The following CDK14 variants were observed in gnomAD, a reference collection of about 807,000 sequenced individuals.
CDK14 encodes cyclin-dependent kinase 14.
CDK14 carries 34 observed loss-of-function variants against 60.7 expected under a neutral mutation model. The observed-to-expected ratio is 0.56, with a 90% CI of 0.43 to 0.75. The LOEUF is 0.75. CDK14 is among the 30% of genes least tolerant of loss of function. CDK14 has a pLI of 0.00. For synonymous variants in CDK14, 197 were observed against 203.7 expected, an observed-to-expected ratio of 0.97 and a Z score of 0.28; for missense variants, 482 against 564.1, an observed-to-expected ratio of 0.85 and a Z score of 1.47.
chr7:90,710,696 G>C, intron 2 of CDK14: 1 of 275,738 alleles, frequency 3.6e-6, no homozygotes, highest in Non-Finnish European at 5.5e-6. Context: ...GATGCTAATG[G>C]AGAACCCCTG....
intron 10 of CDK14, among the ~76,000 whole-genome samples, chr7:90,990,394 A>G (rs1795497728): frequency 6.6e-6 from 1 of 152,170 alleles, no homozygotes; most frequent in Non-Finnish European, 1.5e-5. Flanking sequence ...ATTAAGCTAC[A>G]ATTTTTAAAT....
At chr7:90,752,114 A>G (rs1803869900) in intron 4 of CDK14, among the ~76,000 whole-genome samples, 1 of 152,202 alleles carries the variant, frequency 6.6e-6, no homozygotes, top group South Asian at 2.1e-4. Context: ...TAGACAGATC[A>G]TCAAGGCAGA....
intron 8 of CDK14, among the ~76,000 whole-genome samples, chr7:90,933,972 C>T (rs77961192): frequency 6.6e-6 from 1 of 152,204 alleles, no homozygotes; most frequent in African/African-American, 2.4e-5. Flanking sequence ...TCCAAAATGG[C>T]TCTGAAGCAG....
intron 14 of CDK14, among the ~76,000 whole-genome samples, chr7:91,158,432 G>C (rs760483196): frequency 6.6e-6 from 1 of 151,886 alleles, no homozygotes; most frequent in South Asian, 2.1e-4. Context: ...TCTCAAGCTA[G>C]TCTCAAACTC....
intron 10 of CDK14, among the ~76,000 whole-genome samples, chr7:91,004,061 AAG>A (rs1383012542): frequency 1.3e-5 from 2 of 152,224 alleles, no homozygotes; most frequent in African/African-American, 2.4e-5. Context: ...GAAAACAAGA[AAG>A]ATTTAAAATG....
chr7:90,617,143 C>T (rs1014977489), intron 2 of CDK14, among the ~76,000 whole-genome samples: 6 of 151,772 alleles, frequency 4.0e-5, no homozygotes, highest in South Asian at 2.1e-4. Flanking sequence ...AGTATGATCT[C>T]GGTTTTGTAA....
At chr7:90,933,194 T>C (rs1190140947) in intron 8 of CDK14, among the ~76,000 whole-genome samples, 1 of 151,024 alleles carries the variant, frequency 6.6e-6, no homozygotes, top group African/African-American at 2.4e-5. Context: ...TAGCCAGGAT[T>C]GCCTGAGCCC....
At chr7:90,656,396 T>TC (rs1377646365) in intron 2 of CDK14, among the ~76,000 whole-genome samples, 2 of 151,510 alleles carry the variant, frequency 1.3e-5, no homozygotes, top group African/African-American at 4.9e-5. Context: ...TTTTTTTTTT[T>TC]TGAGACAGAA....
intron 14 of CDK14, among the ~76,000 whole-genome samples, chr7:91,136,630 A>G (rs191131085): frequency 1.2e-4 from 19 of 152,308 alleles, no homozygotes; most frequent in African/African-American, 4.3e-4. Flanking sequence ...GATATACAAT[A>G]AAACTTGACA....
intron 4 of CDK14, among the ~76,000 whole-genome samples, chr7:90,749,281 G>C (rs1404257361): frequency 6.6e-6 from 1 of 151,446 alleles, no homozygotes; most frequent in Non-Finnish European, 1.5e-5. Context: ...AGAGATCCTG[G>C]TATAGCAGAG....
At chr7:91,091,445 A>G (rs1039174912) in intron 12 of CDK14, among the ~76,000 whole-genome samples, 4 of 141,500 alleles carry the variant, frequency 2.8e-5, no homozygotes, top group African/African-American at 1.1e-4. Context: ...ATATACACAT[A>G]TGTATATAAT....
intron 2 of CDK14, among the ~76,000 whole-genome samples, chr7:90,625,075 G>T (rs904371034): frequency 2.8e-4 from 43 of 152,140 alleles, no homozygotes; most frequent in African/African-American, 9.9e-4. Context: ...AAAGTTAATT[G>T]TGTCTGGGCA....
intron 12 of CDK14, among the ~76,000 whole-genome samples, chr7:91,100,141 A>G (rs905233226): frequency 2.0e-5 from 3 of 152,158 alleles, no homozygotes; most frequent in African/African-American, 4.8e-5. Context: ...ATAATGACTG[A>G]CAGGTTTGTA....
intron 5 of CDK14, among the ~76,000 whole-genome samples, chr7:90,859,798 T>C (rs1185743156): frequency 6.6e-6 from 1 of 152,298 alleles, no homozygotes; most frequent in Admixed American, 6.5e-5. Context: ...TTTAAAGATA[T>C]GGCCTTGCTG....
Position 91,119,706 on chromosome 7 carries a change from C to A in CDK14, c.*28+1498C>A, listed in dbSNP as rs569156040. On this transcript the variant is annotated intron_variant, in intron 14 of 14. Coordinates refer to ENST00000380050, the MANE Select transcript of CDK14 (RefSeq NM_001287135.2). ...GGACTTAGCTTTTGAATACCCTCAA[C>A]ATAGGGGTCAATTTTGGCCTATCAG... Among the ~76,000 whole-genome samples, 12 of 152,238 alleles carry A rather than the reference C, an allele frequency of 7.9e-5. No individual in the cohort carries two copies. In the South Asian group the frequency reaches 2.5e-3, roughly 32 times the overall value.
intron 13 of CDK14, among the ~76,000 whole-genome samples, chr7:91,113,719 A>G (rs1296214787): frequency 6.6e-6 from 1 of 152,148 alleles, no homozygotes; most frequent in Admixed American, 6.6e-5. Context: ...GACTTCTTTC[A>G]TCCATCATAA....
intron 4 of CDK14, among the ~76,000 whole-genome samples, chr7:90,764,152 A>C (rs192364254): frequency 2.0e-5 from 3 of 152,174 alleles, no homozygotes; most frequent in Non-Finnish European, 4.4e-5. Context: ...TGTAATGCAG[A>C]TTTGTGAATT....
chr7:91,061,593 T>C (rs531917431), intron 11 of CDK14, among the ~76,000 whole-genome samples: 22 of 152,360 alleles, frequency 1.4e-4, no homozygotes, highest in South Asian at 1.2e-3. Context: ...GGGTGTCCTT[T>C]CTGTTCATTA....
chr7:91,084,972 G>A (rs1798593757), intron 12 of CDK14, among the ~76,000 whole-genome samples: 1 of 152,184 alleles, frequency 6.6e-6, no homozygotes, highest in South Asian at 2.1e-4. Context: ...AGGAGGAGAT[G>A]GAATTAGGCT....
Sources: gnomAD v4.1 joint callset for allele counts (sites outside exome capture counted in the v4.1 genomes callset) on GRCh38, gnomAD v4.1.1 for gene constraint, MANE v1.5 for transcripts, NCBI Gene and HGNC (gene_info 2026-07-23, HGNC 2026-07-21) for gene names.